Variants in LYN observed in about 807,000 individuals in gnomAD.
The protein encoded by LYN is tyrosine-protein kinase Lyn.
Under a neutral mutation model 65.0 loss-of-function variants are expected in LYN, and 12 were observed. The ratio of observed to expected loss-of-function variants is 0.18; its 90% CI spans 0.12 to 0.30. The LOEUF is 0.30. LYN is among the 10% of genes least tolerant of loss of function. The probability of loss-of-function intolerance (pLI) is 1.00; values close to 1 mark genes in which losing one functional copy is unlikely to be tolerated. For synonymous variants in LYN, 222 were observed against 221.2 expected (o/e 1.00, Z -0.03); for missense variants, 380 against 623.2 (o/e 0.61, Z 4.16).
At chr8:55,927,205 T>C (rs1806131963) in intron 1 of LYN, among the ~76,000 whole-genome samples, 1 of 152,230 alleles carries the variant, frequency 6.6e-6, no homozygotes, top group Non-Finnish European at 1.5e-5. Flanking sequence ...TCATATAGAA[T>C]AGTTTCACTG....
At chr8:55,982,321 C>T (rs777494971) in intron 10 of LYN, among the ~76,000 whole-genome samples, 2 of 151,314 alleles carry the variant, frequency 1.3e-5, no homozygotes, top group Non-Finnish European at 2.9e-5. Context: ...TTTTTTTAAT[C>T]CTCAGATTTT....
intron 1 of LYN, among the ~76,000 whole-genome samples, chr8:55,929,262 A>G (rs76883082): frequency 6.6e-6 from 1 of 152,218 alleles, no homozygotes. Flanking sequence ...GATCCTTCTT[A>G]CTGTTTCTTC....
intron 1 of LYN, among the ~76,000 whole-genome samples, chr8:55,906,112 G>A (rs1179915395): frequency 6.6e-6 from 1 of 152,162 alleles, no homozygotes; most frequent in Non-Finnish European, 1.5e-5. Context: ...TGGTGAGGTC[G>A]CCCTGTAAAC....
intron 1 of LYN, among the ~76,000 whole-genome samples, chr8:55,917,272 A>G (rs1693215204): frequency 1.3e-5 from 2 of 151,870 alleles, no homozygotes; most frequent in Non-Finnish European, 2.9e-5. Context: ...TGCAGCCTTG[A>G]ACTCCTAGGC....
intron 1 of LYN, among the ~76,000 whole-genome samples, chr8:55,905,107 A>G (rs1481085943): frequency 6.6e-6 from 1 of 152,082 alleles, no homozygotes; most frequent in African/African-American, 2.4e-5. Flanking sequence ...TCTTTCGGCT[A>G]TTTTAGAAAA....
At chr8:55,888,319 A>G (rs1355420274) in intron 1 of LYN, among the ~76,000 whole-genome samples, 1 of 152,184 alleles carries the variant, frequency 6.6e-6, no homozygotes, top group African/African-American at 2.4e-5. Flanking sequence ...AGCTTGTTCC[A>G]GAGAGGCAGT....
intron 10 of LYN, among the ~76,000 whole-genome samples, chr8:55,985,891 G>A (rs1808059654): frequency 1.3e-5 from 2 of 152,114 alleles, no homozygotes; most frequent in Admixed American, 6.6e-5. Context: ...GGGTGACCAG[G>A]CTCAGTGGCT....
At chr8:55,880,350 G>A (rs921932409) in intron 1 of LYN, among the ~76,000 whole-genome samples, 1 of 151,974 alleles carries the variant, frequency 6.6e-6, no homozygotes, top group African/African-American at 2.4e-5. Context: ...GGCTCCGCAG[G>A]TGTCCGCCGC....
chr8:56,002,095 A>G (rs538147479), intron 12 of LYN, among the ~76,000 whole-genome samples: 1 of 152,314 alleles, frequency 6.6e-6, no homozygotes, highest in East Asian at 1.9e-4. Context: ...AGCCTGGCCA[A>G]CATGGCAAAA....
intron 11 of LYN, 139 bp from the exon 12 acceptor site, chr8:55,999,279 C>G: frequency 3.0e-6 from 2 of 670,496 alleles, no homozygotes; most frequent in Non-Finnish European, 5.2e-6. Context: ...GAGATCGCAT[C>G]ATTACATTCC....
chr8:55,943,407 C>T (rs780317609), intron 2 of LYN, among the ~76,000 whole-genome samples: 3 of 151,888 alleles, frequency 2.0e-5, no homozygotes, highest in African/African-American at 4.8e-5. Flanking sequence ...GAAACCTCAG[C>T]TCTACTAAAA....
chr8:55,990,277 A>G (rs1758278043), intron 10 of LYN, among the ~76,000 whole-genome samples: 4 of 145,656 alleles, frequency 2.7e-5, no homozygotes, highest in Admixed American at 2.1e-4. Flanking sequence ...CTGATTGGCC[A>G]TTGGTTGAAG....
intron 2 of LYN, among the ~76,000 whole-genome samples, chr8:55,942,395 G>GTATA (rs35946646): frequency 3.1e-5 from 4 of 130,678 alleles, no homozygotes; most frequent in Admixed American, 1.5e-4. Context: ...ATATATATGT[G>GTATA]TATATATGTG....
At chr8:55,976,616 G>A (rs547387604) in intron 10 of LYN, among the ~76,000 whole-genome samples, 1 of 152,272 alleles carries the variant, frequency 6.6e-6, no homozygotes, top group African/African-American at 2.4e-5. Flanking sequence ...GATATGGCAA[G>A]GGCTGTCAGA....
chr8:55,891,571 C>T (rs1804964456), intron 1 of LYN, among the ~76,000 whole-genome samples: 1 of 151,960 alleles, frequency 6.6e-6, no homozygotes, highest in Admixed American at 6.6e-5. Flanking sequence ...TTAATGGGTA[C>T]AGAGTTTCAG....
chr8:55,905,673 A>T (rs1235392890), intron 1 of LYN, among the ~76,000 whole-genome samples: 1 of 152,104 alleles, frequency 6.6e-6, no homozygotes, highest in Non-Finnish European at 1.5e-5. Flanking sequence ...AGTCACCCCC[A>T]AACACTTAAG....
At chr8:55,949,696 T>C (rs1806886810) in intron 4 of LYN, among the ~76,000 whole-genome samples, 1 of 152,240 alleles carries the variant, frequency 6.6e-6, no homozygotes, top group East Asian at 1.9e-4. Flanking sequence ...TTTCTTTGTG[T>C]TGTGAACATT....
intron 10 of LYN, among the ~76,000 whole-genome samples, chr8:55,982,020 G>A (rs1409926607): frequency 6.6e-6 from 1 of 152,094 alleles, no homozygotes; most frequent in Admixed American, 6.5e-5. Context: ...AGGGCCTCTC[G>A]TGGCCTCTCC....
At chr8:55,932,852 A>G (rs1158607206) in intron 1 of LYN, among the ~76,000 whole-genome samples, 1 of 152,264 alleles carries the variant, frequency 6.6e-6, no homozygotes, top group Non-Finnish European at 1.5e-5. Flanking sequence ...TCCTAAGTGA[A>G]TTAATGCAGG....
Sources: allele counts gnomAD v4.1 joint callset (sites outside exome capture counted in the v4.1 genomes callset), GRCh38; gene constraint gnomAD v4.1.1; transcripts MANE v1.5; gene names NCBI Gene and HGNC (gene_info 2026-07-23, HGNC 2026-07-21).